The following PAM variants were observed in gnomAD, a reference collection of about 807,000 sequenced individuals.
PAM encodes peptidyl-glycine alpha-amidating monooxygenase.
In PAM, 72 loss-of-function variants were observed where a neutral mutation model predicts 122.1. The observed-to-expected ratio is 0.59, with a 90% CI of 0.49 to 0.72. PAM has a LOEUF of 0.72. Among genes scored for constraint, PAM ranks in the 30% least tolerant of loss-of-function variants. PAM has a pLI of 0.00. For synonymous variants in PAM, 389 were observed against 404.4 expected, an observed-to-expected ratio of 0.96 and a Z score of 0.46; for missense variants, 1,106 against 1,183.7, an observed-to-expected ratio of 0.93 and a Z score of 0.96.
intron 1 of PAM, among the ~76,000 whole-genome samples, chr5:102,819,891 GCTGAACACA>G (rs1278852710): frequency 6.6e-6 from 1 of 152,142 alleles, no homozygotes; most frequent in Non-Finnish European, 1.5e-5. Context: ...ACTCCTCTCT[GCTGAACACA>G]TCAGCGCCAT....
intron 13 of PAM, among the ~76,000 whole-genome samples, chr5:102,960,952 G>A (rs1254620557): frequency 8.4e-6 from 1 of 118,474 alleles, no homozygotes; most frequent in Non-Finnish European, 1.6e-5. Context: ...TATTAAGTCA[G>A]ATGTCTTGTA....
At chr5:102,851,299 T>G (rs558714947) in intron 1 of PAM, among the ~76,000 whole-genome samples, 1 of 152,282 alleles carries the variant, frequency 6.6e-6, no homozygotes, top group South Asian at 2.1e-4. Context: ...TAATTAAACT[T>G]AAATATTTTA....
At chr5:102,792,480 A>T (rs1056180411) in intron 1 of PAM, among the ~76,000 whole-genome samples, 2 of 152,186 alleles carry the variant, frequency 1.3e-5, no homozygotes, top group Non-Finnish European at 2.9e-5. Flanking sequence ...TTGCCAAGCA[A>T]TTGGCTGTTA....
chr5:102,830,631 A>G (rs944006511), intron 1 of PAM, among the ~76,000 whole-genome samples: 1 of 152,224 alleles, frequency 6.6e-6, no homozygotes, highest in Non-Finnish European at 1.5e-5. Flanking sequence ...ATTAGAAATC[A>G]GATTCACTTT....
At chr5:102,819,687 A>G (rs1771079609) in intron 1 of PAM, among the ~76,000 whole-genome samples, 1 of 152,046 alleles carries the variant, frequency 6.6e-6, no homozygotes, top group African/African-American at 2.4e-5. Context: ...CAGTGCTCAT[A>G]TTTTTGTTTT....
intron 5 of PAM, among the ~76,000 whole-genome samples, chr5:102,918,869 G>T (rs1264973814): frequency 6.6e-6 from 1 of 151,956 alleles, no homozygotes; most frequent in East Asian, 1.9e-4. Context: ...TAAAACGAGT[G>T]GGCTTCTTAT....
intron 19 of PAM, 62 bp from the exon 20 acceptor site, chr5:103,007,395 A>C: frequency 1.3e-5 from 18 of 1,344,028 alleles, no homozygotes; most frequent in Non-Finnish European, 1.7e-5. Flanking sequence ...GAAACATACT[A>C]GAGAGTCAAA....
At chr5:102,781,944 G>T (rs1031116781) in intron 1 of PAM, among the ~76,000 whole-genome samples, 3 of 152,124 alleles carry the variant, frequency 2.0e-5, no homozygotes, top group Non-Finnish European at 4.4e-5. Context: ...ACTTAAAAAA[G>T]CTTGCCCAAG....
intron 1 of PAM, among the ~76,000 whole-genome samples, chr5:102,804,038 G>C (rs150512851): frequency 1.4e-4 from 22 of 152,174 alleles, no homozygotes; most frequent in Admixed American, 5.2e-4. Flanking sequence ...AGGGTTGCAG[G>C]GGGGGATGGG....
intron 14 of PAM, among the ~76,000 whole-genome samples, chr5:102,966,290 A>G (rs1764065514): frequency 6.6e-6 from 1 of 152,094 alleles, no homozygotes; most frequent in African/African-American, 2.4e-5. Flanking sequence ...GTTTCCTAAT[A>G]ACGGAATAGG....
Position 102,965,162 on chromosome 5 carries a change from G to GACACACACACACAC in PAM, c.1162+3956_1162+3969dup, listed in dbSNP as rs66633444. Among the ~76,000 whole-genome samples, 199 of 138,810 alleles carry GACACACACACACAC rather than the reference G, an allele frequency of 1.4e-3. 1 individual carries two copies. The highest frequency in any genetic ancestry group is 5.0e-3 in the African/African-American group (190 of 37,822). The allele number at this position is 138,810 out of a possible 152,430, so 91.1% of individuals were successfully genotyped here. ...GTTCACACTGATGTCTTCCAAAGCAGACACACACACACACACACACACACA... is the reference window on the plus strand; with the variant it reads ...GTTCACACTGATGTCTTCCAAAGCAGACACACACACACACACACACACACACACACACACACACA... On this transcript the variant is annotated intron_variant, in intron 14 of 25. Transcript: ENST00000438793.
intron 1 of PAM, among the ~76,000 whole-genome samples, chr5:102,783,686 T>C (rs570554096): frequency 6.6e-6 from 1 of 152,330 alleles, no homozygotes; most frequent in Admixed American, 6.5e-5. Context: ...GTTTGCATAC[T>C]GGAATGTCTT....
chr5:103,019,874 C>G, intron 23 of PAM, 31 bp downstream of exon 23: 1 of 1,381,108 alleles, frequency 7.2e-7, no homozygotes, highest in Non-Finnish European at 1.0e-6. Context: ...TACTATAAAA[C>G]CAAAGTCTGG....
chr5:102,870,710 C>G (rs1002997160), intron 3 of PAM, among the ~76,000 whole-genome samples: 2 of 152,082 alleles, frequency 1.3e-5, no homozygotes, highest in Non-Finnish European at 2.9e-5. Flanking sequence ...GTTTTTCCAG[C>G]CTTTGGGAAG....
chr5:102,821,973 A>T (rs1307854766), intron 1 of PAM, among the ~76,000 whole-genome samples: 1 of 152,228 alleles, frequency 6.6e-6, no homozygotes, highest in Non-Finnish European at 1.5e-5. Context: ...TGAGTTATAC[A>T]TACATTTAAG....
rs1248380729 is a variant in PAM at position 103,029,037 on chromosome 5, T to C, written c.2894T>C (p.Leu965Pro). ...SESEEEYSAP[L>P]PALAPSSS ...TCAGAAGAGGAGTATTCAGCACCTCTGCCTGCGCTCGCACCTTCCTCCTCC... is the reference window on the plus strand; with the variant it reads ...TCAGAAGAGGAGTATTCAGCACCTCCGCCTGCGCTCGCACCTTCCTCCTCC... The change falls in exon 26 of 26, where the codon CTG (leucine) becomes CCG (proline). Residue 965 changes from leucine (L) to proline (P), a missense_variant. This residue lies in a region of PAM where 333 missense variants were observed against 335.6 expected (regional missense o/e 0.99). Coordinates refer to ENST00000438793, the MANE Select transcript of PAM (RefSeq NM_001177306.2). 5.6e-6 allele frequency: 9 copies of C among 1,611,858 alleles called. No individual in the cohort carries two copies. The highest frequency in any genetic ancestry group is 6.8e-6 in the Non-Finnish European group (8 of 1,179,360).
chr5:102,950,779 T>G lies in PAM; in HGVS notation c.864T>G (p.Cys288Trp), dbSNP rs777042365. The G allele has an allele frequency of 6.8e-6, 11 of 1,611,642 alleles. No homozygotes were observed. The highest frequency in any genetic ancestry group is 9.3e-6 in the Non-Finnish European group (11 of 1,178,028). ...TTGGTGACCTACTGGCTGCAAGATG[T>G]GTATTCACTGGTGAAGGAAGGACAG... ...VSFGDLLAAR[C>W]VFTGEGRTEA... Residue 288 changes from cysteine to tryptophan, a missense_variant, in exon 12 of 26, where the codon TGT becomes TGG. Transcript: ENST00000438793.
chr5:102,961,277 C>A, intron 14 of PAM, 48 bp downstream of exon 14: 2 of 1,006,014 alleles, frequency 2.0e-6, no homozygotes, highest in African/African-American at 1.6e-5. Flanking sequence ...TATCAATTTC[C>A]AAGTAGGCAA....
At chr5:102,939,161 C>T (rs900082868) in intron 7 of PAM, among the ~76,000 whole-genome samples, 12 of 152,130 alleles carry the variant, frequency 7.9e-5, no homozygotes, top group African/African-American at 2.9e-4. Flanking sequence ...AAAATAAAAT[C>T]AAACCTTCCC....
Sources: gnomAD v4.1 joint callset for allele counts (sites outside exome capture counted in the v4.1 genomes callset) on GRCh38, gnomAD v4.1.1 for gene constraint, gnomAD v4.1.1 regional missense constraint, MANE v1.5 for transcripts, NCBI Gene and HGNC (gene_info 2026-07-23, HGNC 2026-07-21) for gene names.